The following ARHGAP20 variants were observed in gnomAD, a reference collection of about 807,000 sequenced individuals.
ARHGAP20 encodes rho GTPase-activating protein 20.
Under a neutral mutation model 73.7 loss-of-function variants are expected in ARHGAP20, and 34 were observed. That is an observed-to-expected ratio of 0.46 (90% confidence interval 0.35 to 0.61). The LOEUF (loss-of-function observed/expected upper bound fraction) is 0.61. Among genes scored for constraint, ARHGAP20 ranks in the 20% least tolerant of loss-of-function variants. The pLI is 0.00. For missense variants in ARHGAP20, 1,314 were observed against 1,420.9 expected (o/e 0.92, Z 1.21); for synonymous variants, 523 against 518.2 (o/e 1.01, Z -0.13).
intron 2 of ARHGAP20, among the ~76,000 whole-genome samples, chr11:110,650,795 C>T (rs1286605596): frequency 6.6e-6 from 1 of 152,118 alleles, no homozygotes; most frequent in Admixed American, 6.6e-5. Flanking sequence ...AACTGTCTCT[C>T]TTGCCCATGC....
rs558214368 is a variant in ARHGAP20, at chr11:110,583,153, C to T, written c.1605+395G>A. Among the ~76,000 whole-genome samples the T allele has an allele frequency of 2.6e-5, 4 of 152,246 alleles. No individual in the cohort carries two copies. The East Asian group carries it at 5.8e-4, about 22-fold the overall frequency. On this transcript the variant is annotated intron_variant, in intron 13 of 14. Coordinates refer to ENST00000683387, the MANE Select transcript of ARHGAP20 (RefSeq NM_001384657.1). Reference sequence around the variant, plus strand: ...TTTCAAGTAACTACTGTATTATCACCGACTCCATTTTATTTTTAGATGAGG... The same window carrying T: ...TTTCAAGTAACTACTGTATTATCACTGACTCCATTTTATTTTTAGATGAGG...
chr11:110,612,488 A>G (rs1333554300), intron 6 of ARHGAP20, among the ~76,000 whole-genome samples: 16 of 152,060 alleles, frequency 1.1e-4, no homozygotes, highest in Admixed American at 1.0e-3. Flanking sequence ...TGAGATATCT[A>G]TAGAGATCGC....
intron 2 of ARHGAP20, among the ~76,000 whole-genome samples, chr11:110,632,867 T>C (rs1309220254): frequency 3.3e-5 from 5 of 152,236 alleles, no homozygotes; most frequent in African/African-American, 1.2e-4. Context: ...AACTTTTTCA[T>C]GTATCCTAGA....
At chr11:110,671,375 A>C (rs1949824408) in intron 2 of ARHGAP20, among the ~76,000 whole-genome samples, 1 of 152,120 alleles carries the variant, frequency 6.6e-6, no homozygotes, top group South Asian at 2.1e-4. Flanking sequence ...CACCTACCAA[A>C]AAATCCTAAA....
At position 110,671,621 on chromosome 11, in the gene ARHGAP20, A is replaced by G. The variant is rs535370707; in HGVS notation, c.188+18926T>C. 2.6e-5 allele frequency among the ~76,000 whole-genome samples: 4 copies of G among 152,282 alleles called. 1 individual carries two copies. In the South Asian group the frequency reaches 6.2e-4, roughly 24 times the overall value. On this transcript the variant is annotated intron_variant, in intron 2 of 14. Transcript: ENST00000683387. Reference sequence around the variant, plus strand: ...CTGAAAAATCTACATTAAAGCTAATAGAACTTTTTTAGATTAAAGAATAGG... The same window carrying G: ...CTGAAAAATCTACATTAAAGCTAATGGAACTTTTTTAGATTAAAGAATAGG...
At chr11:110,664,741 A>G (rs964306678) in intron 2 of ARHGAP20, among the ~76,000 whole-genome samples, 17 of 151,614 alleles carry the variant, frequency 1.1e-4, no homozygotes, top group African/African-American at 4.1e-4. Context: ...AAAAAAAAAA[A>G]AAAAGAAAAA....
At chr11:110,593,760 G>C (rs2091406858) in intron 9 of ARHGAP20, among the ~76,000 whole-genome samples, 1 of 152,222 alleles carries the variant, frequency 6.6e-6, no homozygotes, top group South Asian at 2.1e-4. Flanking sequence ...CACATCTCTG[G>C]CTAACCCCTG....
At chr11:110,695,903 C>A (rs71476972) in intron 1 of ARHGAP20, among the ~76,000 whole-genome samples, 26,431 of 151,396 alleles carry the variant, frequency 0.17, 2,325 homozygotes, top group South Asian at 0.31. Flanking sequence ...ACAGTAAAAA[C>A]GTGGCAACAT....
chr11:110,665,479 T>A (rs758156732), intron 2 of ARHGAP20, among the ~76,000 whole-genome samples: 1 of 152,040 alleles, frequency 6.6e-6, no homozygotes, highest in Non-Finnish European at 1.5e-5. Flanking sequence ...GAACAATGAT[T>A]CCTAAGAAAA....
rs1947419850 is a variant in ARHGAP20 at position 110,580,371 on chromosome 11, A to G, written c.2575T>C (p.Tyr859His). ...TTCTTTGAATAAATTCCCCTGAGAT[A>G]GGTCAGCTTGCGGTTCTGGTCTTCT... ...NIEDQNRKLTYLRGIYSKKQH... is the reference protein window; with the variant it reads ...NIEDQNRKLTHLRGIYSKKQH... Residue 859 changes from tyrosine to histidine, a missense_variant, in exon 15 of 15, where the codon TAT becomes CAT. Around this residue, in one of 3 missense-constraint regions of ARHGAP20, gnomAD observed 641 missense variants for 636.9 expected, o/e 1.01. Coordinates refer to ENST00000683387, the MANE Select transcript of ARHGAP20 (RefSeq NM_001384657.1). 2.5e-6 allele frequency: 4 copies of G among 1,614,128 alleles called. No individual in the cohort carries two copies. Among genetic ancestry groups the G allele is most frequent in the Non-Finnish European group, 3.4e-6 (4 of 1,180,056 alleles).
At chr11:110,677,306 A>T (rs534615371) in intron 2 of ARHGAP20, among the ~76,000 whole-genome samples, 1 of 152,356 alleles carries the variant, frequency 6.6e-6, no homozygotes, top group Admixed American at 6.5e-5. Flanking sequence ...AAAGACATAC[A>T]AATGACAAGC....
chr11:110,706,203 T>C (rs1236762501), intron 1 of ARHGAP20, among the ~76,000 whole-genome samples: 1 of 152,094 alleles, frequency 6.6e-6, no homozygotes, highest in Non-Finnish European at 1.5e-5. Context: ...CTCCCCTGTA[T>C]CTTATGTTAC....
At chr11:110,671,727 C>T (rs1949832099) in intron 2 of ARHGAP20, among the ~76,000 whole-genome samples, 1 of 151,824 alleles carries the variant, frequency 6.6e-6, no homozygotes, top group African/African-American at 2.4e-5. Flanking sequence ...ATAATATCGA[C>T]AAAAACATGA....
At chr11:110,598,127 A>G (rs1948016687) in intron 9 of ARHGAP20, among the ~76,000 whole-genome samples, 2 of 151,502 alleles carry the variant, frequency 1.3e-5, no homozygotes, top group South Asian at 4.2e-4. Flanking sequence ...AATGTTAGAA[A>G]TTCTACTCCG....
At chr11:110,665,492 G>GA (rs1591156670) in intron 2 of ARHGAP20, among the ~76,000 whole-genome samples, 1 of 152,022 alleles carries the variant, frequency 6.6e-6, no homozygotes, top group African/African-American at 2.4e-5. Flanking sequence ...TAAGAAAAGA[G>GA]AAAAAAATGA....
At chr11:110,611,967 T>C (rs1375565852) in intron 6 of ARHGAP20, among the ~76,000 whole-genome samples, 1 of 152,176 alleles carries the variant, frequency 6.6e-6, no homozygotes, top group Non-Finnish European at 1.5e-5. Context: ...ATTTTAATTG[T>C]TGAAATCTTT....
intron 2 of ARHGAP20, among the ~76,000 whole-genome samples, chr11:110,632,209 T>C (rs149077261): frequency 2.6e-5 from 4 of 152,288 alleles, no homozygotes; most frequent in South Asian, 4.1e-4. Flanking sequence ...CAGAGTGGAA[T>C]TGTTAGGTCA....
intron 2 of ARHGAP20, among the ~76,000 whole-genome samples, chr11:110,673,167 C>T (rs952381251): frequency 3.9e-5 from 6 of 152,052 alleles, no homozygotes; most frequent in Non-Finnish European, 5.9e-5. Context: ...AGGTATAACA[C>T]ACCAAAAGAT....
In ARHGAP20 at chr11:110,577,743, C is replaced by T. The variant is rs192415691; in HGVS notation, c.*1627G>A. Reference sequence around the variant, plus strand: ...CTTTGGATACAGAGTTCTAAAAGATCATTGTAATGGTTAGCGCAAACAGGG... The same window carrying T: ...CTTTGGATACAGAGTTCTAAAAGATTATTGTAATGGTTAGCGCAAACAGGG... On this transcript the variant is annotated 3_prime_UTR_variant, in exon 15 of 15. Transcript: ENST00000683387. The T allele has an allele frequency of 1.0e-6, 1 of 985,860 alleles. No homozygotes were observed. The highest frequency in any genetic ancestry group is 1.1e-4 in the East Asian group (1 of 8,820). 61.1% of individuals were successfully genotyped at this position (985,860 alleles called of 1,614,324 possible).
Sources: gnomAD v4.1 joint callset for allele counts (sites outside exome capture counted in the v4.1 genomes callset) on GRCh38, gnomAD v4.1.1 for gene constraint, gnomAD v4.1.1 regional missense constraint, MANE v1.5 for transcripts, NCBI Gene and HGNC (gene_info 2026-07-23, HGNC 2026-07-21) for gene names.